Variants in RFTN1 observed in about 807,000 individuals in gnomAD.
RFTN1 encodes raftlin.
In RFTN1, 26 loss-of-function variants were observed where a neutral mutation model predicts 46.5. The ratio of observed to expected loss-of-function variants is 0.56; its 90% CI spans 0.41 to 0.78. The LOEUF is 0.78. Among genes scored for constraint, RFTN1 ranks in the 30% least tolerant of loss-of-function variants. The pLI is 0.00. For missense variants in RFTN1, 693 were observed against 718.7 expected (o/e 0.96, Z 0.41); for synonymous variants, 261 against 284.2 (o/e 0.92, Z 0.82).
intron 2 of RFTN1, among the ~76,000 whole-genome samples, chr3:16,455,066 G>A (rs944520906): frequency 2.0e-5 from 3 of 152,074 alleles, no homozygotes; most frequent in African/African-American, 7.2e-5. Flanking sequence ...ATGAGGGCTG[G>A]CGGCCAGCAA....
At chr3:16,386,198 GGGA>G (rs2074166304) in intron 4 of RFTN1, among the ~76,000 whole-genome samples, 1 of 121,154 alleles carries the variant, frequency 8.3e-6, no homozygotes, top group African/African-American at 3.9e-5. Context: ...GAAATGATTT[GGGA>G]GAAGGATTCC....
In RFTN1 at chr3:16,342,238, T is replaced by C. The variant is rs183132977; in HGVS notation, c.1147-15362A>G. ...ACCCCGAGGCAACCACGAGTCCACT[T>C]TTTGTCTCTATGCACTTGCCTCACC... On this transcript the variant is annotated intron_variant, in intron 7 of 9. Coordinates refer to ENST00000334133, the MANE Select transcript of RFTN1 (RefSeq NM_015150.2). The surrounding 1 kb of genome is among the most constrained non-coding windows in gnomAD (Gnocchi z 4.0). 1.6e-3 allele frequency among the ~76,000 whole-genome samples: 238 copies of C among 152,158 alleles called. No individual in the cohort carries two copies. Among genetic ancestry groups the C allele is most frequent in the Admixed American group, 3.2e-3 (49 of 15,284 alleles).
chr3:16,395,332 C>A (rs368660490), intron 4 of RFTN1, among the ~76,000 whole-genome samples: 7 of 152,228 alleles, frequency 4.6e-5, no homozygotes, highest in African/African-American at 1.7e-4. Flanking sequence ...TTATGAAAAA[C>A]TGAAAATTGT....
In RFTN1 at chr3:16,346,924, C is replaced by G. The variant is rs1040205805; in HGVS notation, c.1146+11008G>C. Among the ~76,000 whole-genome samples the G allele has an allele frequency of 1.3e-5, 2 of 152,206 alleles. No individual in the cohort carries two copies. The highest frequency in any genetic ancestry group is 4.8e-5 in the African/African-American group (2 of 41,436). On this transcript the variant is annotated intron_variant, in intron 7 of 9. Transcript: ENST00000334133. The surrounding 1 kb of genome is among the most constrained non-coding windows in gnomAD (Gnocchi z 4.4). ...CTGTTGACAAAGCTGACTCTGCAAC[C>G]TCCCCACCTTGCTCTAGACTTCCTG...
Position 16,346,822 on chromosome 3 carries a change from T to C in RFTN1, c.1146+11110A>G, listed in dbSNP as rs540575283. ...CACAGTCACCTTGTGAGGAGGATCA[T>C]AAGGAGAGCCCTGCAGACAGGCTGA... On this transcript the variant is annotated intron_variant, in intron 7 of 9. Coordinates refer to ENST00000334133, the MANE Select transcript of RFTN1 (RefSeq NM_015150.2). The surrounding 1 kb of genome is among the most constrained non-coding windows in gnomAD (Gnocchi z 4.4). Among the ~76,000 whole-genome samples, 2 of 152,158 alleles carry C rather than the reference T, an allele frequency of 1.3e-5. No individual in the cohort carries two copies. The highest frequency in any genetic ancestry group is 2.4e-5 in the African/African-American group (1 of 41,430).
chr3:16,444,933 A>T (rs2075699294), intron 2 of RFTN1, among the ~76,000 whole-genome samples: 1 of 152,124 alleles, frequency 6.6e-6, no homozygotes, highest in South Asian at 2.1e-4. Flanking sequence ...ATTTATTTCC[A>T]TGTTTAGTAT....
At position 16,385,532 on chromosome 3, in the gene RFTN1, A is replaced by AT. The variant is rs2074140009; in HGVS notation, c.442-7431dup. Among the ~76,000 whole-genome samples the AT allele has an allele frequency of 6.6e-6, 1 of 152,212 alleles. No individual in the cohort carries two copies. Among genetic ancestry groups the AT allele is most frequent in the East Asian group, 1.9e-4 (1 of 5,208 alleles). On this transcript the variant is annotated intron_variant, in intron 4 of 9. Transcript: ENST00000334133. The surrounding 1 kb of genome is among the most constrained non-coding windows in gnomAD (Gnocchi z 5.0). ...GGCTCTGTTACTCAGTAGTTATATTATTGGTCAAATCAGTTGATTTATTTT... is the reference window on the plus strand; with the variant it reads ...GGCTCTGTTACTCAGTAGTTATATTATTTGGTCAAATCAGTTGATTTATTTT...
Position 16,316,580 on chromosome 3 carries a change from G to C in RFTN1, c.*248C>G. The C allele has an allele frequency of 1.8e-6, 1 of 546,866 alleles. No individual in the cohort carries two copies. The highest frequency in any genetic ancestry group is 3.3e-6 in the Non-Finnish European group (1 of 305,772). The allele number at this position is 546,866 out of a possible 1,614,324, so 33.9% of individuals were successfully genotyped here. ...CAGGACTGGGCCTTCAGCCATGAGG[G>C]CTAGAATAACCTGACCTCTTGCATT... On this transcript the variant is annotated 3_prime_UTR_variant, in exon 10 of 10. Coordinates refer to ENST00000334133, the MANE Select transcript of RFTN1 (RefSeq NM_015150.2). The surrounding 1 kb of genome is among the most constrained non-coding windows in gnomAD (Gnocchi z 4.5).
rs1346255892 is a variant in RFTN1, at chr3:16,513,631, C to G, written c.-198G>C. The G allele has an allele frequency of 6.6e-6, 1 of 151,732 alleles. No individual in the cohort carries two copies. Among genetic ancestry groups the G allele is most frequent in the East Asian group, 1.9e-4 (1 of 5,192 alleles). 9.4% of individuals were successfully genotyped at this position (151,732 alleles called of 1,614,324 possible). A position where few individuals can be genotyped will look rare whatever the true frequency, so the allele number is the denominator to read the frequency against. The stretch of plus-strand genomic sequence containing the variant: ...CCTCCGGCGATCGGTGCGTCTGTCC[C>G]TCGCCGGAGCCCGCGGCCGCCGCGC... On this transcript the variant is annotated 5_prime_UTR_variant, in exon 1 of 10. Coordinates refer to ENST00000334133, the MANE Select transcript of RFTN1 (RefSeq NM_015150.2). The surrounding 1 kb of genome is among the most constrained non-coding windows in gnomAD (Gnocchi z 5.4).
chr3:16,454,059 A>C (rs977480286), intron 2 of RFTN1, among the ~76,000 whole-genome samples: 1 of 152,224 alleles, frequency 6.6e-6, no homozygotes, highest in African/African-American at 2.4e-5. Context: ...CTCTACAAGG[A>C]GTATGAGCTC....
rs1224763681 is a variant in RFTN1, at chr3:16,316,406, G to A, written c.*422C>T. On this transcript the variant is annotated 3_prime_UTR_variant, in exon 10 of 10. Coordinates refer to ENST00000334133, the MANE Select transcript of RFTN1 (RefSeq NM_015150.2). This position sits in a 1 kb window ranked among gnomAD's most constrained non-coding sequence, Gnocchi z 4.5. ...AAGTCACCAAGTAGCTGCAGGGGAT[G>A]GACACTGCCCCACACGATGTGGGAT... 4.7e-6 allele frequency: 1 copy of A among 212,836 alleles called. No homozygotes were observed. Among genetic ancestry groups the A allele is most frequent in the African/African-American group, 2.4e-5 (1 of 41,930 alleles). 13.2% of individuals were successfully genotyped at this position (212,836 alleles called of 1,614,324 possible).
At position 16,430,525 on chromosome 3, in the gene RFTN1, A is replaced by G. The variant is rs964788319; in HGVS notation, c.332+3326T>C. On this transcript the variant is annotated intron_variant, in intron 3 of 9. Coordinates refer to ENST00000334133, the MANE Select transcript of RFTN1 (RefSeq NM_015150.2). ...GAGAAAATTCCTGTACTTTAAAATT[A>G]TATTTTACAATGACTGCTTCCAACC... Among the ~76,000 whole-genome samples, 6 of 152,338 alleles carry G rather than the reference A, an allele frequency of 3.9e-5. No homozygotes were observed. The East Asian group carries it at 1.2e-3, about 29-fold the overall frequency.
rs2075951113 is a variant in RFTN1, at chr3:16,458,414, C to G, written c.146-24377G>C. Among the ~76,000 whole-genome samples the G allele has an allele frequency of 1.3e-5, 2 of 152,202 alleles. No homozygotes were observed. The highest frequency in any genetic ancestry group is 2.4e-5 in the African/African-American group (1 of 41,448). On this transcript the variant is annotated intron_variant, in intron 2 of 9. Coordinates refer to ENST00000334133, the MANE Select transcript of RFTN1 (RefSeq NM_015150.2). The surrounding 1 kb of genome is among the most constrained non-coding windows in gnomAD (Gnocchi z 5.1). Reference sequence around the variant, plus strand: ...AGAAAGGAAAAGGAAAAGTGTTTCTCTCACTGACATTTGGAAGACATTTTC... The same window carrying G: ...AGAAAGGAAAAGGAAAAGTGTTTCTGTCACTGACATTTGGAAGACATTTTC...
intron 2 of RFTN1, among the ~76,000 whole-genome samples, chr3:16,456,517 A>G (rs562713515): frequency 4.6e-5 from 7 of 152,222 alleles, no homozygotes; most frequent in African/African-American, 1.7e-4. Context: ...TATGTTAGGA[A>G]TAAGTTTATT....
chr3:16,345,812 GTGTGTGCGCGCGCGCGTGCGCGCA>G lies in RFTN1; in HGVS notation c.1146+12096_1146+12119del, dbSNP rs1395410239. ...TCTGTGTGTGTGTGTGTGTGTGTGT[GTGTGTGCGCGCGCGCGTGCGCGCA>G]CGCGCACATGTGCATGTGTATGTGT... On this transcript the variant is annotated intron_variant, in intron 7 of 9. Transcript: ENST00000334133. This position sits in a 1 kb window ranked among gnomAD's most constrained non-coding sequence, Gnocchi z 5.2. Among the ~76,000 whole-genome samples the G allele has an allele frequency of 3.9e-3, 334 of 85,890 alleles. 4 individuals are homozygous for G. The highest frequency in any genetic ancestry group is 0.02 in the African/African-American group (282 of 14,150). The allele number at this position is 85,890 out of a possible 152,430, so 56.3% of individuals were successfully genotyped here.
chr3:16,426,540 G>A lies in RFTN1; in HGVS notation c.332+7311C>T, dbSNP rs143403725. ...TGCATTTGTACTTCACTTATGGTCC[G>A]CAAAGATTTCCTTTCTTTGAAGGCC... On this transcript the variant is annotated intron_variant, in intron 3 of 9. Transcript: ENST00000334133. The surrounding 1 kb of genome is among the most constrained non-coding windows in gnomAD (Gnocchi z 5.9). 1.8e-4 allele frequency among the ~76,000 whole-genome samples: 27 copies of A among 152,076 alleles called. No homozygotes were observed. Among genetic ancestry groups the A allele is most frequent in the Admixed American group, 1.5e-3 (23 of 15,272 alleles).
In RFTN1 at chr3:16,499,965, T is replaced by C. The variant is rs903208368; in HGVS notation, c.-8-6088A>G. Among the ~76,000 whole-genome samples, 2 of 152,204 alleles carry C rather than the reference T, an allele frequency of 1.3e-5. No individual in the cohort carries two copies. The highest frequency in any genetic ancestry group is 2.9e-5 in the Non-Finnish European group (2 of 68,028). ...GAAAAAATGCTTCTCTTTACACATG[T>C]AGGATGTCCAGATACTGCCGCCATG... On this transcript the variant is annotated intron_variant, in intron 1 of 9. Transcript: ENST00000334133. This position sits in a 1 kb window ranked among gnomAD's most constrained non-coding sequence, Gnocchi z 4.9.
rs368475821 is a variant in RFTN1 at position 16,327,654 on chromosome 3, G to C, written c.1147-778C>G. Among the ~76,000 whole-genome samples the C allele has an allele frequency of 1.3e-5, 2 of 152,014 alleles. No individual in the cohort carries two copies. Among genetic ancestry groups the C allele is most frequent in the African/African-American group, 4.8e-5 (2 of 41,394 alleles). ...CGGGCGCCTGTAGTCCCAGCTACTC[G>C]GGAGGCTGAGGCAGGAGAATGGCGT... is the stretch of plus-strand genomic sequence containing the variant. On this transcript the variant is annotated intron_variant, in intron 7 of 9. Transcript: ENST00000334133. The surrounding 1 kb of genome is among the most constrained non-coding windows in gnomAD (Gnocchi z 4.2).
Position 16,323,529 on chromosome 3 carries a change from C to G in RFTN1, c.1251-72G>C. On this transcript the variant is annotated intron_variant, in intron 8 of 9. Transcript: ENST00000334133. Reference sequence around the variant, plus strand: ...ACCCAAAACCTGACACAGATGTTGCCATCCCTAATTTCATCAAAGCAGACC... The same window carrying G: ...ACCCAAAACCTGACACAGATGTTGCGATCCCTAATTTCATCAAAGCAGACC... 6 of 1,093,310 alleles carry G rather than the reference C, an allele frequency of 5.5e-6. No individual in the cohort carries two copies. The South Asian group carries it at 7.7e-5, about 14-fold the overall frequency. The allele number at this position is 1,093,310 out of a possible 1,614,324, so 67.7% of individuals were successfully genotyped here. A position where few individuals can be genotyped will look rare whatever the true frequency, so the allele number is the denominator to read the frequency against.
Sources: gnomAD v4.1 joint callset for allele counts (sites outside exome capture counted in the v4.1 genomes callset) on GRCh38, gnomAD v4.1.1 for gene constraint, Gnocchi (gnomAD v3.1) non-coding constraint, MANE v1.5 for transcripts, NCBI Gene and HGNC (gene_info 2026-07-23, HGNC 2026-07-21) for gene names.